The following CDH12 variants were observed in gnomAD, a reference collection of about 807,000 sequenced individuals.
CDH12 encodes cadherin-12.
In CDH12, 41 loss-of-function variants were observed where a neutral mutation model predicts 74.1. That is an observed-to-expected ratio of 0.55 (90% CI 0.43 to 0.72). The LOEUF is 0.72. CDH12 is among the 30% of genes least tolerant of loss of function. The probability of loss-of-function intolerance (pLI) is 0.00; values close to 1 mark genes in which losing one functional copy is unlikely to be tolerated. For missense variants in CDH12, 945 were observed against 977.2 expected (o/e 0.97, Z 0.44); for synonymous variants, 399 against 355.0 (o/e 1.12, Z -1.39).
intron 1 of CDH12, among the ~76,000 whole-genome samples, chr5:22,817,801 G>A (rs1749466507): frequency 6.6e-6 from 1 of 152,166 alleles, no homozygotes; most frequent in Non-Finnish European, 1.5e-5. Context: ...AATGCATTCT[G>A]TAGGGAGGCA....
At chr5:21,807,307 C>A (rs1181303081) in intron 9 of CDH12, among the ~76,000 whole-genome samples, 1 of 152,110 alleles carries the variant, frequency 6.6e-6, no homozygotes, top group Admixed American at 6.6e-5. Context: ...CTTGGAAAAC[C>A]TTAACCTCTG....
intron 1 of CDH12, among the ~76,000 whole-genome samples, chr5:22,649,625 C>T (rs1039945855): frequency 9.9e-5 from 15 of 151,938 alleles, no homozygotes; most frequent in Admixed American, 7.9e-4. Context: ...TAATGTGATA[C>T]GAGCTTTCTT....
intron 14 of CDH12, 69 bp from the exon 15 acceptor site, chr5:21,752,305 T>C (rs1744140574): frequency 7.1e-7 from 1 of 1,413,884 alleles, no homozygotes; most frequent in South Asian, 1.4e-5. Flanking sequence ...TCCATAAAAA[T>C]TAAAAATGAT....
chr5:22,189,138 A>G (rs575107219), intron 4 of CDH12, among the ~76,000 whole-genome samples: 61 of 152,248 alleles, frequency 4.0e-4, no homozygotes, highest in African/African-American at 1.4e-3. Context: ...ACATTTTCCA[A>G]CTTCAGTAAA....
At chr5:22,523,617 T>C (rs961278233) in intron 1 of CDH12, among the ~76,000 whole-genome samples, 3 of 152,238 alleles carry the variant, frequency 2.0e-5, no homozygotes, top group African/African-American at 7.2e-5. Flanking sequence ...TCAATCCTTA[T>C]GGCTCCTCAT....
rs145035915 is a variant in CDH12 at position 21,751,622 on chromosome 5, G to T, written c.*115C>A. The T allele has an allele frequency of 1.7e-6, 1 of 581,040 alleles. No homozygotes were observed. Among genetic ancestry groups the T allele is most frequent in the Non-Finnish European group, 3.0e-6 (1 of 335,438 alleles). 36.0% of individuals were successfully genotyped at this position (581,040 alleles called of 1,614,324 possible). On this transcript the variant is annotated 3_prime_UTR_variant, in exon 15 of 15. Transcript: ENST00000382254. ...ATCTTGTCCCAGAGTGTGTGTGTGT[G>T]TGTGTGTGTTTGTGTGTGTGTGTGT...
chr5:21,883,979 T>G, intron 6 of CDH12: 1 of 1,595,238 alleles, frequency 6.3e-7, no homozygotes, highest in East Asian at 2.2e-5. Context: ...ATCAAAAAAT[T>G]GGTATGGAAA....
intron 6 of CDH12, among the ~76,000 whole-genome samples, chr5:21,942,818 G>A (rs1238557298): frequency 6.6e-6 from 1 of 152,090 alleles, no homozygotes; most frequent in African/African-American, 2.4e-5. Context: ...CCCCAAAAAT[G>A]TTAAATCTCC....
chr5:22,849,379 A>G (rs1462609478), intron 1 of CDH12, among the ~76,000 whole-genome samples: 1 of 152,036 alleles, frequency 6.6e-6, no homozygotes, highest in East Asian at 1.9e-4. Flanking sequence ...TTTTTTTTGT[A>G]TGTTATAATA....
chr5:22,538,018 A>G (rs911229166), intron 1 of CDH12, among the ~76,000 whole-genome samples: 5 of 152,186 alleles, frequency 3.3e-5, no homozygotes, highest in African/African-American at 1.2e-4. Flanking sequence ...GCAGTAAACT[A>G]GGAATTCAAG....
intron 4 of CDH12, among the ~76,000 whole-genome samples, chr5:22,174,057 T>TA (rs781414620): frequency 2.0e-5 from 3 of 152,026 alleles, no homozygotes; most frequent in Non-Finnish European, 2.9e-5. Context: ...GCTTTACGAA[T>TA]AAATATCATT....
At position 22,744,287 on chromosome 5, in the gene CDH12, G is replaced by A. The variant is rs184211757; in HGVS notation, c.-523+108771C>T. 4.5e-3 allele frequency among the ~76,000 whole-genome samples: 689 copies of A among 152,100 alleles called. 3 individuals carry two copies. Among genetic ancestry groups the A allele is most frequent in the African/African-American group, 0.016 (663 of 41,494 alleles). On this transcript the variant is annotated intron_variant, in intron 1 of 14. Coordinates refer to ENST00000382254, the MANE Select transcript of CDH12 (RefSeq NM_004061.5). ...TACTAAAAATACAAAAAATTAGCCGGGCATGGTGGCGGGAACCTGTAGTCC... is the reference window on the plus strand; with the variant it reads ...TACTAAAAATACAAAAAATTAGCCGAGCATGGTGGCGGGAACCTGTAGTCC...
At chr5:22,073,177 C>A (rs1195815936) in intron 5 of CDH12, among the ~76,000 whole-genome samples, 1 of 152,064 alleles carries the variant, frequency 6.6e-6, no homozygotes, top group Non-Finnish European at 1.5e-5. Flanking sequence ...GTAATGCATT[C>A]TTCATCAAAA....
chr5:21,879,273 G>A (rs1752114931), intron 6 of CDH12, among the ~76,000 whole-genome samples: 1 of 149,492 alleles, frequency 6.7e-6, no homozygotes, highest in Non-Finnish European at 1.5e-5. Flanking sequence ...TATTTCATAG[G>A]ATAACAGTTT....
rs554832330 is a variant in CDH12 at position 21,969,114 on chromosome 5, G to T, written c.526+5977C>A. ...TCAATGTAACAAACCTGCACATCCT[G>T]CACAGGTACTCCAAAACTAAAAGTA... On this transcript the variant is annotated intron_variant, in intron 6 of 14. Transcript: ENST00000382254. 6.6e-5 allele frequency among the ~76,000 whole-genome samples: 10 copies of T among 150,982 alleles called. No individual in the cohort carries two copies. The Admixed American group carries it at 6.6e-4, about 10-fold the overall frequency.
rs184294648 is a variant in CDH12, at chr5:22,675,693, A to G, written c.-522-170329T>C. On this transcript the variant is annotated intron_variant, in intron 1 of 14. Transcript: ENST00000382254. The stretch of plus-strand genomic sequence containing the variant: ...TCTTTTGTCTGCCACCATGTGAGAC[A>G]TGCCTTTCACCTTCCACCATGATTG... Among the ~76,000 whole-genome samples, 112 of 152,078 alleles carry G rather than the reference A, an allele frequency of 7.4e-4. No homozygotes were observed. In the East Asian group the frequency reaches 0.019, roughly 26 times the overall value.
chr5:21,837,706 G>T (rs141308474), intron 8 of CDH12, among the ~76,000 whole-genome samples: 26 of 152,132 alleles, frequency 1.7e-4, no homozygotes, highest in African/African-American at 6.3e-4. Context: ...TAAATGTTTT[G>T]TTCTGTTTTT....
intron 1 of CDH12, among the ~76,000 whole-genome samples, chr5:22,798,974 G>A (rs574611831): frequency 1.3e-5 from 2 of 152,160 alleles, no homozygotes; most frequent in South Asian, 2.1e-4. Flanking sequence ...AAAACTAGCT[G>A]GGTGTGGCAG....
chr5:22,504,266 T>G (rs1736291712), intron 2 of CDH12, among the ~76,000 whole-genome samples: 1 of 151,992 alleles, frequency 6.6e-6, no homozygotes, highest in Non-Finnish European at 1.5e-5. Context: ...AATTTGTATT[T>G]TTTTCCTCAA....
Sources: gnomAD v4.1 joint callset for allele counts (sites outside exome capture counted in the v4.1 genomes callset) on GRCh38, gnomAD v4.1.1 for gene constraint, MANE v1.5 for transcripts, NCBI Gene and HGNC (gene_info 2026-07-23, HGNC 2026-07-21) for gene names.